Variants in CHSY3 observed in about 807,000 individuals in gnomAD.
CHSY3 encodes the protein N-acetylgalactosaminyl-proteoglycan 3-beta-glucuronosyltransferase 3.
In CHSY3, 35 loss-of-function variants were observed where a neutral mutation model predicts 67.2. The observed-to-expected ratio is 0.52, with a 90% CI of 0.40 to 0.69. The LOEUF (loss-of-function observed/expected upper bound fraction) is 0.69. Ranked by LOEUF, CHSY3 falls within the 30% of genes least tolerant of loss-of-function variation. The pLI, the probability that CHSY3 is intolerant of heterozygous loss-of-function variation, is 0.00. For missense variants in CHSY3, 1,069 were observed against 1,138.5 expected (o/e 0.94, Z 0.88); for synonymous variants, 474 against 434.7 (o/e 1.09, Z -1.12).
intron 2 of CHSY3, among the ~76,000 whole-genome samples, chr5:130,103,149 A>T (rs908275346): frequency 6.6e-6 from 1 of 152,036 alleles, no homozygotes; most frequent in Non-Finnish European, 1.5e-5. Context: ...CCTACTGGGA[A>T]CAAGCCACTT....
chr5:130,033,467 G>A (rs1561506569), intron 2 of CHSY3, among the ~76,000 whole-genome samples: 1 of 152,132 alleles, frequency 6.6e-6, no homozygotes, highest in Non-Finnish European at 1.5e-5. Flanking sequence ...TGCAATTACT[G>A]ATTCTCATGA....
At chr5:130,058,823 C>T (rs1320814124) in intron 2 of CHSY3, among the ~76,000 whole-genome samples, 3 of 152,192 alleles carry the variant, frequency 2.0e-5, no homozygotes, top group African/African-American at 7.2e-5. Flanking sequence ...GCTGTACTAC[C>T]TCTGTGGCTC....
At chr5:129,962,931 A>G (rs1762374463) in intron 2 of CHSY3, among the ~76,000 whole-genome samples, 1 of 151,986 alleles carries the variant, frequency 6.6e-6, no homozygotes, top group Non-Finnish European at 1.5e-5. Context: ...CCATTCTGGA[A>G]CAGCCAACTT....
At chr5:130,148,391 A>G (rs1221240226) in intron 2 of CHSY3, among the ~76,000 whole-genome samples, 1 of 152,140 alleles carries the variant, frequency 6.6e-6, no homozygotes, top group Non-Finnish European at 1.5e-5. Flanking sequence ...AATGATTTGT[A>G]TTCCTTTGGG....
At chr5:129,975,999 C>T (rs1181853716) in intron 2 of CHSY3, among the ~76,000 whole-genome samples, 1 of 151,978 alleles carries the variant, frequency 6.6e-6, no homozygotes. Context: ...CTTAGCTGTT[C>T]TGACCACATT....
At chr5:130,158,532 G>T (rs1005890559) in intron 2 of CHSY3, among the ~76,000 whole-genome samples, 7 of 152,140 alleles carry the variant, frequency 4.6e-5, no homozygotes, top group Non-Finnish European at 8.8e-5. Flanking sequence ...CAGATAAAAG[G>T]CATTTATCAT....
At position 130,144,024 on chromosome 5, in the gene CHSY3, G is replaced by A. The variant is rs560999938; in HGVS notation, c.1087-40205G>A. On this transcript the variant is annotated intron_variant, in intron 2 of 2. Transcript: ENST00000305031. ...ATTGCTGTCTTCTTTTTATTAAGTC[G>A]TTCAATCTAGGGTGTCTAGAGATTG... Among the ~76,000 whole-genome samples the A allele has an allele frequency of 7.3e-5, 11 of 150,360 alleles. No homozygotes were observed. In the South Asian group the frequency reaches 2.1e-3, roughly 29 times the overall value.
At chr5:130,052,316 C>T (rs376685379) in intron 2 of CHSY3, 1 of 152,232 alleles carries the variant, frequency 6.6e-6, no homozygotes, top group Non-Finnish European at 1.5e-5. Context: ...GAGTTCCCCC[C>T]ACAGTGGGGG....
At chr5:130,090,360 C>T (rs1160234146) in intron 2 of CHSY3, among the ~76,000 whole-genome samples, 1 of 152,132 alleles carries the variant, frequency 6.6e-6, no homozygotes, top group Non-Finnish European at 1.5e-5. Context: ...ATGCTGAAGA[C>T]CCCTCTAGTG....
intron 2 of CHSY3, among the ~76,000 whole-genome samples, chr5:130,171,937 C>G (rs1769905275): frequency 6.6e-6 from 1 of 152,148 alleles, no homozygotes; most frequent in South Asian, 2.1e-4. Flanking sequence ...AAAGAAGAAA[C>G]TATAGTCCTA....
chr5:130,095,414 G>A (rs1767011943), intron 2 of CHSY3, among the ~76,000 whole-genome samples: 1 of 152,132 alleles, frequency 6.6e-6, no homozygotes, highest in African/African-American at 2.4e-5. Context: ...AGGGAACCGG[G>A]GACGAAACCT....
At chr5:129,939,202 G>C (rs945808984) in intron 2 of CHSY3, among the ~76,000 whole-genome samples, 6 of 152,102 alleles carry the variant, frequency 3.9e-5, no homozygotes, top group Non-Finnish European at 8.8e-5. Flanking sequence ...GATTTTATGA[G>C]AACTCTATCT....
chr5:129,999,151 C>T (rs931482996), intron 2 of CHSY3, among the ~76,000 whole-genome samples: 1 of 134,292 alleles, frequency 7.4e-6, no homozygotes, highest in South Asian at 2.7e-4. Context: ...TCCTGTGTGG[C>T]TAGCTATTTG....
chr5:130,103,885 A>C (rs1480981980), intron 2 of CHSY3, among the ~76,000 whole-genome samples: 1 of 151,886 alleles, frequency 6.6e-6, no homozygotes, highest in Non-Finnish European at 1.5e-5. Flanking sequence ...TGAACTAGTG[A>C]CCATACATTG....
chr5:129,938,523 T>C (rs534194313), intron 2 of CHSY3, among the ~76,000 whole-genome samples: 27 of 152,212 alleles, frequency 1.8e-4, no homozygotes, highest in Non-Finnish European at 3.1e-4. Context: ...ATCTCTTTGT[T>C]CATGCATATG....
intron 2 of CHSY3, among the ~76,000 whole-genome samples, chr5:130,109,464 A>AG (rs1274127395): frequency 1.3e-5 from 2 of 151,750 alleles, no homozygotes; most frequent in East Asian, 3.9e-4. Flanking sequence ...TGTAAGTAAG[A>AG]GAAAAAAAAT....
intron 2 of CHSY3, among the ~76,000 whole-genome samples, chr5:130,057,875 G>A (rs927330129): frequency 6.6e-6 from 1 of 151,558 alleles, no homozygotes; most frequent in Non-Finnish European, 1.5e-5. Flanking sequence ...CCCTTATACT[G>A]CCTATGTCAA....
intron 2 of CHSY3, among the ~76,000 whole-genome samples, chr5:129,966,780 G>T (rs1280213804): frequency 1.3e-5 from 2 of 151,674 alleles, no homozygotes; most frequent in Admixed American, 6.6e-5. Flanking sequence ...CCTAAAGTGG[G>T]TTTAGTTCTT....
intron 2 of CHSY3, among the ~76,000 whole-genome samples, chr5:129,981,993 T>C (rs1442586305): frequency 2.0e-5 from 3 of 152,170 alleles, no homozygotes; most frequent in Non-Finnish European, 4.4e-5. Flanking sequence ...TGTGCTAGAT[T>C]ACATGAGTTG....
Sources: gnomAD v4.1 joint callset for allele counts (sites outside exome capture counted in the v4.1 genomes callset) on GRCh38, gnomAD v4.1.1 for gene constraint, MANE v1.5 for transcripts, NCBI Gene and HGNC (gene_info 2026-07-23, HGNC 2026-07-21) for gene names.